Variants in DPYD observed in about 807,000 individuals in gnomAD.
DPYD encodes dihydropyrimidine dehydrogenase.
Under a neutral mutation model 116.2 loss-of-function variants are expected in DPYD, and 109 were observed. The observed-to-expected ratio is 0.94, with a 90% CI of 0.80 to 1.10. DPYD has a LOEUF of 1.10. Ranked by LOEUF, DPYD falls within the 50% of genes least tolerant of loss-of-function variation. The pLI is 0.00. For synonymous variants in DPYD, 440 were observed against 432.0 expected (o/e 1.02, Z -0.23); for missense variants, 1,302 against 1,254.5 (o/e 1.04, Z -0.57).
At chr1:97,626,048 T>C (rs1656908539) in intron 8 of DPYD, among the ~76,000 whole-genome samples, 1 of 152,090 alleles carries the variant, frequency 6.6e-6, no homozygotes, top group Non-Finnish European at 1.5e-5. Flanking sequence ...CTCTTGGACC[T>C]ACTAGACTAT....
chr1:97,255,888 G>C (rs544738205), intron 18 of DPYD, among the ~76,000 whole-genome samples: 2 of 152,002 alleles, frequency 1.3e-5, no homozygotes, highest in Non-Finnish European at 2.9e-5. Flanking sequence ...TCATGCTCTA[G>C]AAGTCATGTG....
chr1:97,151,231 G>T (rs1286056870), intron 20 of DPYD, among the ~76,000 whole-genome samples: 2 of 152,104 alleles, frequency 1.3e-5, no homozygotes, highest in Non-Finnish European at 2.9e-5. Context: ...CTGTATTTGA[G>T]AACATATATA....
chr1:97,460,752 G>A (rs922488860), intron 13 of DPYD, among the ~76,000 whole-genome samples: 6 of 152,084 alleles, frequency 3.9e-5, no homozygotes, highest in African/African-American at 1.4e-4. Flanking sequence ...CAAAAGAAGA[G>A]ACACGGCCAG....
At chr1:97,245,610 G>C (rs1441127514) in intron 18 of DPYD, among the ~76,000 whole-genome samples, 1 of 152,090 alleles carries the variant, frequency 6.6e-6, no homozygotes, top group Non-Finnish European at 1.5e-5. Context: ...ATTTGAGTAG[G>C]AGAAGGAGGA....
intron 18 of DPYD, among the ~76,000 whole-genome samples, chr1:97,303,398 G>T (rs1666975324): frequency 6.6e-6 from 1 of 151,868 alleles, no homozygotes; most frequent in African/African-American, 2.4e-5. Context: ...AGCTTATTTT[G>T]TGTAACTTTC....
intron 1 of DPYD, among the ~76,000 whole-genome samples, chr1:97,900,223 CAG>C (rs1673293559): frequency 6.6e-6 from 1 of 151,900 alleles, no homozygotes; most frequent in African/African-American, 2.4e-5. Context: ...AATGGAAAGA[CAG>C]AAACCTGTTG....
At chr1:97,288,430 T>C (rs1665890171) in intron 18 of DPYD, among the ~76,000 whole-genome samples, 1 of 151,802 alleles carries the variant, frequency 6.6e-6, no homozygotes, top group Non-Finnish European at 1.5e-5. Context: ...GACCACATAG[T>C]TGGAAGTAAA....
At chr1:97,774,160 T>G (rs1177484558) in intron 3 of DPYD, among the ~76,000 whole-genome samples, 1 of 152,170 alleles carries the variant, frequency 6.6e-6, no homozygotes, top group Non-Finnish European at 1.5e-5. Flanking sequence ...CACCGTTGCA[T>G]GCCCTGTGAG....
At chr1:97,366,979 C>T (rs1671072346) in intron 16 of DPYD, among the ~76,000 whole-genome samples, 2 of 152,074 alleles carry the variant, frequency 1.3e-5, no homozygotes, top group Admixed American at 1.3e-4. Context: ...AAAGTGTCTT[C>T]ATATTGTCTC....
At chr1:97,694,678 A>C (rs1243725174) in intron 6 of DPYD, among the ~76,000 whole-genome samples, 2 of 152,122 alleles carry the variant, frequency 1.3e-5, no homozygotes, top group Non-Finnish European at 2.9e-5. Flanking sequence ...TTCCCTTTCC[A>C]GCCCCACACC....
At chr1:97,129,584 C>T (rs1390060819) in intron 20 of DPYD, among the ~76,000 whole-genome samples, 1 of 152,142 alleles carries the variant, frequency 6.6e-6, no homozygotes, top group South Asian at 2.1e-4. Context: ...ACTCACTCTT[C>T]CCCTTCATTT....
At chr1:97,315,073 G>A (rs1329262999) in intron 16 of DPYD, among the ~76,000 whole-genome samples, 1 of 151,924 alleles carries the variant, frequency 6.6e-6, no homozygotes, top group Non-Finnish European at 1.5e-5. Context: ...AACTTTTCAC[G>A]AGAACTGATG....
chr1:97,516,011 A>T, intron 12 of DPYD, 70 bp from the exon 13 acceptor site: 2 of 1,425,036 alleles, frequency 1.4e-6, no homozygotes, highest in Non-Finnish European at 2.0e-6. Context: ...TTACCAAAAA[A>T]ATCACTTCAA....
chr1:97,519,458 AG>A (rs1039545619), intron 12 of DPYD, among the ~76,000 whole-genome samples: 3 of 152,160 alleles, frequency 2.0e-5, no homozygotes, highest in Non-Finnish European at 4.4e-5. Context: ...TGGGAATACA[AG>A]ATGAGATTTG....
At chr1:97,675,154 T>C (rs902656602) in intron 8 of DPYD, among the ~76,000 whole-genome samples, 46 of 152,164 alleles carry the variant, frequency 3.0e-4, no homozygotes, top group African/African-American at 9.2e-4. Context: ...GTTATTTTTA[T>C]AAAATAAAAA....
rs1367534305 is a variant in DPYD at position 97,367,295 on chromosome 1, C to A, written c.2058+6266G>T. ...TCTCTCTTTTTTTTAAAAAAAAAAA[C>A]ATACAGTTTTATGCAAATTAAGTTT... On this transcript the variant is annotated intron_variant, in intron 16 of 22. Coordinates refer to ENST00000370192, the MANE Select transcript of DPYD (RefSeq NM_000110.4). Among the ~76,000 whole-genome samples, 26 of 150,346 alleles carry A rather than the reference C, an allele frequency of 1.7e-4. 1 individual carries two copies. The highest frequency in any genetic ancestry group is 5.9e-4 in the African/African-American group (24 of 40,782).
chr1:97,477,722 G>T (rs534972856), intron 13 of DPYD, among the ~76,000 whole-genome samples: 2 of 148,946 alleles, frequency 1.3e-5, no homozygotes, highest in Non-Finnish European at 3.0e-5. Context: ...CCGGGTTCAC[G>T]CCATTCTCCT....
chr1:97,365,903 G>A (rs553048264), intron 16 of DPYD, among the ~76,000 whole-genome samples: 2 of 152,258 alleles, frequency 1.3e-5, no homozygotes, highest in Admixed American at 6.5e-5. Flanking sequence ...CAAAGTGCTG[G>A]CATACAGTCA....
chr1:97,582,555 G>A (rs930628985), intron 10 of DPYD, among the ~76,000 whole-genome samples: 30 of 152,032 alleles, frequency 2.0e-4, no homozygotes, highest in African/African-American at 7.0e-4. Flanking sequence ...ATTTTGAGTG[G>A]TGAAATGCAG....
Sources: allele counts gnomAD v4.1 joint callset (sites outside exome capture counted in the v4.1 genomes callset), GRCh38; gene constraint gnomAD v4.1.1; transcripts MANE v1.5; gene names NCBI Gene and HGNC (gene_info 2026-07-23, HGNC 2026-07-21).